Variants in ARHGEF10 observed in about 807,000 individuals in gnomAD.
ARHGEF10 encodes the protein Rho guanine nucleotide exchange factor (GEF) 10.
In ARHGEF10, 140 loss-of-function variants were observed where a neutral mutation model predicts 147.4. The observed-to-expected ratio is 0.95, with a 90% CI of 0.83 to 1.09. The LOEUF (loss-of-function observed/expected upper bound fraction) is 1.09. Ranked by LOEUF, ARHGEF10 falls within the 50% of genes least tolerant of loss-of-function variation. The pLI is 0.00. For missense variants in ARHGEF10, 2,222 were observed against 1,752.7 expected, an observed-to-expected ratio of 1.27 and a Z score of -4.78; for synonymous variants, 902 against 695.8, an observed-to-expected ratio of 1.30 and a Z score of -4.67.
chr8:1,866,503 CT>C, intron 5 of ARHGEF10, 22 bp from the exon 6 acceptor site: 2 of 1,611,778 alleles, frequency 1.2e-6, no homozygotes, highest in Middle Eastern at 3.3e-4. Flanking sequence ...GATATTCTGA[CT>C]TTATGGTTTG....
intron 3 of ARHGEF10, among the ~76,000 whole-genome samples, 158 bp downstream of exon 3, chr8:1,858,273 T>G (rs541605308): frequency 6.6e-6 from 1 of 151,368 alleles, no homozygotes; most frequent in Admixed American, 6.6e-5. Context: ...GGTTCCCAGG[T>G]GAGTCCGCAG....
chr8:1,907,175 C>T (rs1181381245), intron 17 of ARHGEF10, among the ~76,000 whole-genome samples: 4 of 152,204 alleles, frequency 2.6e-5, no homozygotes, highest in African/African-American at 4.8e-5. Flanking sequence ...TGTCTCCACC[C>T]GTTTCCCTGG....
Position 1,894,402 on chromosome 8 carries a change from A to C in ARHGEF10, c.1270A>C (p.Lys424Gln), listed in dbSNP as rs1387578099. 6.2e-7 allele frequency: 1 copy of C among 1,614,194 alleles called. No individual in the cohort carries two copies. The highest frequency in any genetic ancestry group is 1.1e-5 in the South Asian group (1 of 91,084). ...ALKRILEQYE[K>Q]PLSEMEPKVL... ...GCTCATTTTGTCTTAGCAATATGAG[A>C]AGCCGCTGTCTGAGATGGAGCCAAA... The change falls in exon 13 of 29, where the codon AAG becomes CAG. Residue 424 changes from lysine to glutamine, a missense_variant. Physicochemically the swap from Lys to Gln is moderately conservative, Grantham distance 53. Coordinates refer to ENST00000349830, the MANE Select transcript of ARHGEF10 (RefSeq NM_014629.4).
At chr8:1,951,407 C>G (rs1428361833) in intron 27 of ARHGEF10, among the ~76,000 whole-genome samples, 1 of 152,230 alleles carries the variant, frequency 6.6e-6, no homozygotes, top group Non-Finnish European at 1.5e-5. Context: ...GGCCAACATT[C>G]AGAATTCCTG....
intron 1 of ARHGEF10, among the ~76,000 whole-genome samples, chr8:1,835,403 G>T (rs1215911104): frequency 1.3e-5 from 2 of 152,122 alleles, no homozygotes; most frequent in African/African-American, 4.8e-5. Context: ...CTGTGTGGCT[G>T]GGAAGTGCTG....
intron 4 of ARHGEF10, among the ~76,000 whole-genome samples, chr8:1,863,037 C>G (rs998201922): frequency 1.3e-5 from 2 of 152,092 alleles, no homozygotes; most frequent in Non-Finnish European, 2.9e-5. Context: ...CCCGCCTCAG[C>G]CTCCGAAAGT....
At chr8:1,926,691 A>G (rs1286664461) in intron 23 of ARHGEF10, 1 of 592,456 alleles carries the variant, frequency 1.7e-6, no homozygotes, top group African/African-American at 1.9e-5. Context: ...TTCATCTAAA[A>G]CATTTACCAG....
chr8:1,949,116 C>G lies in ARHGEF10; in HGVS notation c.3397+3461C>G, dbSNP rs116457620. Among the ~76,000 whole-genome samples the G allele has an allele frequency of 9.7e-3, 1,473 of 152,206 alleles. 25 individuals carry two copies. Among genetic ancestry groups the G allele is most frequent in the African/African-American group, 0.033 (1,377 of 41,518 alleles). On this transcript the variant is annotated intron_variant, in intron 27 of 28. Coordinates refer to ENST00000349830, the MANE Select transcript of ARHGEF10 (RefSeq NM_014629.4). ...GTCAGGTAGCTTCTGCAAATGAAGACTTGCCAAGCCGAAACAACAAAATTT... is the reference window on the plus strand; with the variant it reads ...GTCAGGTAGCTTCTGCAAATGAAGAGTTGCCAAGCCGAAACAACAAAATTT...
chr8:1,929,155 C>A, intron 24 of ARHGEF10, 131 bp from the exon 25 acceptor site: 1 of 991,812 alleles, frequency 1.0e-6, no homozygotes, highest in Non-Finnish European at 1.5e-6. Flanking sequence ...AAAGTACTGG[C>A]AAGTGTCCCT....
intron 11 of ARHGEF10, among the ~76,000 whole-genome samples, chr8:1,887,799 G>C (rs1240939967): frequency 6.7e-6 from 1 of 148,732 alleles, no homozygotes; most frequent in African/African-American, 2.5e-5. Flanking sequence ...GTGGAGTAAG[G>C]GTTGTGGGGA....
At chr8:1,840,913 G>A (rs1179548542) in intron 1 of ARHGEF10, among the ~76,000 whole-genome samples, 9 of 152,144 alleles carry the variant, frequency 5.9e-5, no homozygotes, top group Non-Finnish European at 8.8e-5. Context: ...TGCGCTGGCC[G>A]GCACTCGGAC....
At position 1,956,646 on chromosome 8, in the gene ARHGEF10, G is replaced by C. The variant is rs971468987; in HGVS notation, c.3521-103G>C. On this transcript the variant is annotated intron_variant, in intron 28 of 28. Coordinates refer to ENST00000349830, the MANE Select transcript of ARHGEF10 (RefSeq NM_014629.4). ...AAGTTACTTACAGGCTTTGTTATTT[G>C]GGCAGGGAGGAATGCGTTGGGGTTA... 4 of 1,225,870 alleles carry C rather than the reference G, an allele frequency of 3.3e-6. No individual in the cohort carries two copies. The African/African-American group carries it at 6.0e-5, about 18-fold the overall frequency. 75.9% of individuals were successfully genotyped at this position (1,225,870 alleles called of 1,614,324 possible). A position where few individuals can be genotyped will look rare whatever the true frequency, so the allele number is the denominator to read the frequency against.
chr8:1,874,057 C>G (rs941563210), intron 7 of ARHGEF10, among the ~76,000 whole-genome samples: 30 of 152,182 alleles, frequency 2.0e-4, no homozygotes, highest in African/African-American at 7.2e-4. Flanking sequence ...TGGTCACTGG[C>G]TTGGTCAGAA....
At chr8:1,904,924 C>T (rs1217375716) in intron 16 of ARHGEF10, among the ~76,000 whole-genome samples, 2 of 152,116 alleles carry the variant, frequency 1.3e-5, no homozygotes, top group Non-Finnish European at 2.9e-5. Context: ...AGTTCCGGAC[C>T]AGCCTAACCA....
intron 1 of ARHGEF10, among the ~76,000 whole-genome samples, chr8:1,824,991 T>C (rs1166542157): frequency 3.1e-4 from 3 of 9,666 alleles, no homozygotes; most frequent in African/African-American, 4.5e-4. Flanking sequence ...CCACCTGTCC[T>C]CCCCACACCC....
At chr8:1,874,350 C>T (rs1002157040) in intron 7 of ARHGEF10, among the ~76,000 whole-genome samples, 19 of 152,190 alleles carry the variant, frequency 1.2e-4, no homozygotes, top group African/African-American at 4.6e-4. Flanking sequence ...GGAGCCTTAA[C>T]AAGGCATTGA....
At position 1,896,240 on chromosome 8, in the gene ARHGEF10, A is replaced by G. The variant is rs572124025; in HGVS notation, c.1441-93A>G. ...AAAACATCACAGTGACCGAAAGAGT[A>G]TTTTGAGGGCGAGTTTCAAATCTTC... On this transcript the variant is annotated intron_variant, in intron 13 of 28. Coordinates refer to ENST00000349830, the MANE Select transcript of ARHGEF10 (RefSeq NM_014629.4). 1.9e-4 allele frequency: 173 copies of G among 931,248 alleles called. 2 individuals carry two copies. In the South Asian group the frequency reaches 2.1e-3, roughly 11 times the overall value. The allele number at this position is 931,248 out of a possible 1,614,324, so 57.7% of individuals were successfully genotyped here.
chr8:1,956,799 G>T lies in ARHGEF10; in HGVS notation c.3571G>T (p.Val1191Phe). ...HAHNSPVKFI[V>F]LATALHEKDK... Reference sequence around the variant, plus strand: ...ACACAACAGTCCTGTCAAATTCATCGTCCTGGCCACGGCTCTGCACGAGAA... The same window carrying T: ...ACACAACAGTCCTGTCAAATTCATCTTCCTGGCCACGGCTCTGCACGAGAA... Residue 1191 changes from valine (V) to phenylalanine (F), a missense_variant, in exon 29 of 29, where the codon GTC (valine) becomes TTC (phenylalanine). Transcript: ENST00000349830. 1 of 1,614,026 alleles carries T rather than the reference G, an allele frequency of 6.2e-7. No homozygotes were observed. Among genetic ancestry groups the T allele is most frequent in the Non-Finnish European group, 8.5e-7 (1 of 1,180,040 alleles).
At chr8:1,848,641 T>TA (rs948687305) in intron 2 of ARHGEF10, among the ~76,000 whole-genome samples, 2 of 152,128 alleles carry the variant, frequency 1.3e-5, no homozygotes, top group Non-Finnish European at 2.9e-5. Context: ...ATTGGGTAAT[T>TA]AAAAAAATTA....
Sources: gnomAD v4.1 joint callset for allele counts (sites outside exome capture counted in the v4.1 genomes callset) on GRCh38, gnomAD v4.1.1 for gene constraint, MANE v1.5 for transcripts, NCBI Gene and HGNC (gene_info 2026-07-23, HGNC 2026-07-21) for gene names.